Variants in CDH13 observed in about 807,000 individuals in gnomAD.
The protein encoded by CDH13 is cadherin 13.
In CDH13, 24 loss-of-function variants were observed where a neutral mutation model predicts 63.8. The observed-to-expected ratio is 0.38, with a 90% CI of 0.27 to 0.53. CDH13 has a LOEUF of 0.53. Among genes scored for constraint, CDH13 ranks in the 20% least tolerant of loss-of-function variants. The pLI, the probability that CDH13 is intolerant of heterozygous loss-of-function variation, is 0.85. For synonymous variants in CDH13, 503 were observed against 355.3 expected (o/e 1.42, Z -4.67); for missense variants, 1,049 against 903.1 (o/e 1.16, Z -2.07).
chr16:82,785,452 T>C (rs2035959214), intron 1 of CDH13, among the ~76,000 whole-genome samples: 1 of 152,192 alleles, frequency 6.6e-6, no homozygotes. Flanking sequence ...CTGCGGACTT[T>C]GATTAGTATG....
At position 83,697,100 on chromosome 16, in the gene CDH13, C is replaced by G. The variant is rs550879276; in HGVS notation, c.1538+18639C>G. Among the ~76,000 whole-genome samples, 5 of 152,320 alleles carry G rather than the reference C, an allele frequency of 3.3e-5. No homozygotes were observed. In the South Asian group the frequency reaches 1.0e-3, roughly 32 times the overall value. On this transcript the variant is annotated intron_variant, in intron 10 of 13. Transcript: ENST00000567109. ...AATTCCAGTCGATCCTTATTATTCA[C>G]AAATTCCATATTTGTGAGCTCACCC...
intron 3 of CDH13, among the ~76,000 whole-genome samples, chr16:83,122,866 A>T (rs1185809941): frequency 6.6e-6 from 1 of 152,178 alleles, no homozygotes; most frequent in East Asian, 1.9e-4. Flanking sequence ...CTTTTAGTGA[A>T]CCCATCACCC....
At chr16:83,775,849 C>A (rs1219859902) in intron 11 of CDH13, among the ~76,000 whole-genome samples, 1 of 152,098 alleles carries the variant, frequency 6.6e-6, no homozygotes, top group African/African-American at 2.4e-5. Context: ...GTGGAGGCTG[C>A]TGATGGAAAG....
At chr16:83,457,507 C>A (rs923402624) in intron 6 of CDH13, among the ~76,000 whole-genome samples, 1 of 152,138 alleles carries the variant, frequency 6.6e-6, no homozygotes, top group Non-Finnish European at 1.5e-5. Context: ...CCACCCAGCC[C>A]CAGCTTCAGC....
At chr16:83,000,660 A>G (rs1266496496) in intron 2 of CDH13, among the ~76,000 whole-genome samples, 1 of 149,412 alleles carries the variant, frequency 6.7e-6, no homozygotes. Flanking sequence ...CGCAACTGCA[A>G]GCTCCGCCTC....
intron 7 of CDH13, among the ~76,000 whole-genome samples, chr16:83,551,436 A>T (rs1462925013): frequency 6.6e-6 from 1 of 152,172 alleles, no homozygotes; most frequent in African/African-American, 2.4e-5. Context: ...AACAAGTGTT[A>T]TTTGGCCATA....
chr16:83,267,967 T>C (rs145448938), intron 5 of CDH13, among the ~76,000 whole-genome samples: 51 of 152,298 alleles, frequency 3.3e-4, no homozygotes, highest in African/African-American at 1.1e-3. Context: ...TGACCATGAA[T>C]GGCAAATTAA....
chr16:83,656,137 T>G (rs542942228), intron 8 of CDH13, among the ~76,000 whole-genome samples: 1 of 152,348 alleles, frequency 6.6e-6, no homozygotes, highest in South Asian at 2.1e-4. Context: ...GTTTTCTGTC[T>G]GTCTGAGTTT....
intron 3 of CDH13, among the ~76,000 whole-genome samples, chr16:83,073,078 C>T (rs772570354): frequency 2.0e-5 from 3 of 152,110 alleles, no homozygotes; most frequent in African/African-American, 4.8e-5. Context: ...TGGTAGCTCA[C>T]GAACTCCTCG....
chr16:82,828,776 A>C (rs2038385586), intron 1 of CDH13, among the ~76,000 whole-genome samples: 1 of 152,178 alleles, frequency 6.6e-6, no homozygotes, highest in South Asian at 2.1e-4. Flanking sequence ...TAGCATTTAC[A>C]TTCTATTAGG....
At position 83,544,910 on chromosome 16, in the gene CDH13, G is replaced by C. The variant is rs571184079; in HGVS notation, c.961-57544G>C. Reference sequence around the variant, plus strand: ...TCAATAAATGTTAGTTCTTCTCCCCGTTAGCCGTCATTACATTCACAGGTA... The same window carrying C: ...TCAATAAATGTTAGTTCTTCTCCCCCTTAGCCGTCATTACATTCACAGGTA... On this transcript the variant is annotated intron_variant, in intron 7 of 13. Transcript: ENST00000567109. Among the ~76,000 whole-genome samples, 3 of 152,086 alleles carry C rather than the reference G, an allele frequency of 2.0e-5. No homozygotes were observed. In the South Asian group the frequency reaches 6.2e-4, roughly 32 times the overall value.
intron 5 of CDH13, among the ~76,000 whole-genome samples, chr16:83,278,215 C>T (rs927068431): frequency 1.3e-5 from 2 of 152,166 alleles, no homozygotes; most frequent in Non-Finnish European, 2.9e-5. Flanking sequence ...TTAAAAAGTA[C>T]AACCCCAGGA....
At position 83,409,048 on chromosome 16, in the gene CDH13, G is replaced by A. The variant is rs369765388; in HGVS notation, c.781+64042G>A. On this transcript the variant is annotated intron_variant, in intron 6 of 13. Coordinates refer to ENST00000567109, the MANE Select transcript of CDH13 (RefSeq NM_001257.5). ...GTTGGTTTCCACAGATGCTGATGCT[G>A]AGGCAAGAAATCAAGTCAAAATTGG... Among the ~76,000 whole-genome samples the A allele has an allele frequency of 2.4e-4, 36 of 152,212 alleles. No homozygotes were observed. The East Asian group carries it at 6.2e-3, about 26-fold the overall frequency.
chr16:82,926,114 G>T (rs1348244481), intron 2 of CDH13: 1 of 152,080 alleles, frequency 6.6e-6, no homozygotes, highest in African/African-American at 2.4e-5. Flanking sequence ...ATTCCACTAG[G>T]CCAGGGATTC....
At chr16:83,587,729 A>T (rs751019579) in intron 7 of CDH13, among the ~76,000 whole-genome samples, 6 of 152,122 alleles carry the variant, frequency 3.9e-5, no homozygotes, top group Non-Finnish European at 8.8e-5. Flanking sequence ...CCACCATAAA[A>T]CGTATTATCT....
chr16:82,695,426 C>G (rs957517632), intron 1 of CDH13, among the ~76,000 whole-genome samples: 2 of 152,172 alleles, frequency 1.3e-5, no homozygotes, highest in Non-Finnish European at 1.5e-5. Flanking sequence ...ATTTTTCTCC[C>G]TTCGATCTGT....
chr16:83,502,315 G>C (rs2074301248), intron 7 of CDH13, among the ~76,000 whole-genome samples: 1 of 152,148 alleles, frequency 6.6e-6, no homozygotes, highest in Non-Finnish European at 1.5e-5. Context: ...AGATGCTCTA[G>C]TGCTGGCTTT....
rs147329435 is a variant in CDH13, at chr16:82,852,863, A to G, written c.46-5499A>G. On this transcript the variant is annotated intron_variant, in intron 1 of 13. Transcript: ENST00000567109. ...CATCTGCTGGCCACATCCATCCCTT[A>G]TGCTGCCAGTTGGCAACCTACAGTA... Among the ~76,000 whole-genome samples the G allele has an allele frequency of 6.2e-3, 941 of 152,230 alleles. 5 individuals carry two copies. Among genetic ancestry groups the G allele is most frequent in the Non-Finnish European group, 0.01 (702 of 68,004 alleles).
chr16:83,755,317 C>G (rs953215477), intron 11 of CDH13, among the ~76,000 whole-genome samples: 1 of 151,914 alleles, frequency 6.6e-6, no homozygotes, highest in Non-Finnish European at 1.5e-5. Flanking sequence ...AAAAATCTGC[C>G]AAAAGACTAG....
Sources: gnomAD v4.1 joint callset for allele counts (sites outside exome capture counted in the v4.1 genomes callset) on GRCh38, gnomAD v4.1.1 for gene constraint, MANE v1.5 for transcripts, NCBI Gene and HGNC (gene_info 2026-07-23, HGNC 2026-07-21) for gene names.